XRCC4: variants seen among roughly 807,000 people sequenced by gnomAD.
The protein encoded by XRCC4 is DNA repair protein XRCC4.
Under a neutral mutation model 39.1 loss-of-function variants are expected in XRCC4, and 28 were observed. The observed-to-expected ratio is 0.72, with a 90% CI of 0.53 to 0.98. XRCC4 has a LOEUF of 0.98. Among genes scored for constraint, XRCC4 ranks in the 50% least tolerant of loss-of-function variants. The pLI, the probability that XRCC4 is intolerant of heterozygous loss-of-function variation, is 0.00. For missense variants in XRCC4, 350 were observed against 376.4 expected, an observed-to-expected ratio of 0.93 and a Z score of 0.58; for synonymous variants, 123 against 126.4, an observed-to-expected ratio of 0.97 and a Z score of 0.18.
At chr5:83,276,342 A>G (rs1241189552) in intron 7 of XRCC4, among the ~76,000 whole-genome samples, 1 of 150,544 alleles carries the variant, frequency 6.6e-6, no homozygotes, top group Non-Finnish European at 1.5e-5. Context: ...TCCAAAATCC[A>G]TGATGAAATT....
intron 6 of XRCC4, among the ~76,000 whole-genome samples, chr5:83,209,678 T>C (rs1751565022): frequency 6.6e-6 from 1 of 152,098 alleles, no homozygotes; most frequent in Non-Finnish European, 1.5e-5. Flanking sequence ...TTTTAATTCC[T>C]CACTAATTAT....
chr5:83,155,919 C>T (rs1337050308), intron 3 of XRCC4, among the ~76,000 whole-genome samples: 3 of 151,904 alleles, frequency 2.0e-5, no homozygotes, highest in African/African-American at 7.3e-5. Context: ...TGAACTGAGT[C>T]TTAATGTCTT....
At chr5:83,214,974 A>G (rs1314519153) in intron 6 of XRCC4, among the ~76,000 whole-genome samples, 1 of 152,144 alleles carries the variant, frequency 6.6e-6, no homozygotes, top group African/African-American at 2.4e-5. Context: ...GAACTATGCA[A>G]CATTGTTGAG....
At chr5:83,256,100 T>A (rs949539590) in intron 6 of XRCC4, among the ~76,000 whole-genome samples, 1 of 152,200 alleles carries the variant, frequency 6.6e-6, no homozygotes, top group African/African-American at 2.4e-5. Context: ...AGTATACTGA[T>A]TAGTAAGTCA....
Position 83,264,491 on chromosome 5 carries a change from T to TG in XRCC4, c.893+5814_893+5815insG, listed in dbSNP as rs1753885655. On this transcript the variant is annotated intron_variant, in intron 7 of 7. Coordinates refer to ENST00000396027, the MANE Select transcript of XRCC4 (RefSeq NM_003401.5). ...TCAGAGTCTGGTATTAATTCATTTATTTTTTAATAAAATGAACTTTATTTT... is the reference window on the plus strand; with the variant it reads ...TCAGAGTCTGGTATTAATTCATTTATGTTTTTAATAAAATGAACTTTATTTT... Among the ~76,000 whole-genome samples, 5 of 152,280 alleles carry TG rather than the reference T, an allele frequency of 3.3e-5. No individual in the cohort carries two copies. The South Asian group carries it at 8.3e-4, about 25-fold the overall frequency.
chr5:83,329,309 T>G (rs1039086329), intron 7 of XRCC4, among the ~76,000 whole-genome samples: 27 of 152,026 alleles, frequency 1.8e-4, no homozygotes, highest in Non-Finnish European at 3.1e-4. Context: ...AAATAAGAAG[T>G]GTTGGTACAT....
chr5:83,170,091 A>G (rs1274502791), intron 3 of XRCC4, among the ~76,000 whole-genome samples: 7 of 152,202 alleles, frequency 4.6e-5, no homozygotes, highest in Non-Finnish European at 8.8e-5. Flanking sequence ...TATGATTGCT[A>G]GAATACCTTA....
At chr5:83,267,635 G>A (rs1754002173) in intron 7 of XRCC4, among the ~76,000 whole-genome samples, 1 of 152,140 alleles carries the variant, frequency 6.6e-6, no homozygotes, top group Admixed American at 6.6e-5. Flanking sequence ...ATGGTCCCTG[G>A]ACAGTCTCAG....
intron 6 of XRCC4, among the ~76,000 whole-genome samples, chr5:83,209,222 C>G (rs1039345510): frequency 7.2e-5 from 11 of 151,888 alleles, no homozygotes; most frequent in Non-Finnish European, 1.5e-4. Flanking sequence ...CACGATGTCC[C>G]TATCTAAGGA....
In XRCC4 at chr5:83,306,737, A is replaced by G. The variant is rs999750759; in HGVS notation, c.894-46394A>G. Among the ~76,000 whole-genome samples the G allele has an allele frequency of 7.2e-5, 11 of 152,274 alleles. No homozygotes were observed. The East Asian group carries it at 2.1e-3, about 29-fold the overall frequency. ...GTCCCTCCCTGACTCCAGCAATAAGACTGATCGGGCAACAGGAACCTGCCT... is the reference window on the plus strand; with the variant it reads ...GTCCCTCCCTGACTCCAGCAATAAGGCTGATCGGGCAACAGGAACCTGCCT... On this transcript the variant is annotated intron_variant, in intron 7 of 7. Coordinates refer to ENST00000396027, the MANE Select transcript of XRCC4 (RefSeq NM_003401.5).
At chr5:83,284,060 A>G (rs987577048) in intron 7 of XRCC4, among the ~76,000 whole-genome samples, 7 of 148,540 alleles carry the variant, frequency 4.7e-5, no homozygotes, top group South Asian at 2.1e-4. Flanking sequence ...AGCAAAAAAA[A>G]AAAAAAAAAA....
At chr5:83,311,194 T>G (rs1755698880) in intron 7 of XRCC4, 1 of 168,942 alleles carries the variant, frequency 5.9e-6, no homozygotes, top group Admixed American at 6.1e-5. Context: ...TGATCCACAT[T>G]GGCTGCCATT....
chr5:83,352,114 G>T (rs28360340), intron 7 of XRCC4, among the ~76,000 whole-genome samples: 5,306 of 152,166 alleles, frequency 0.035, 162 homozygotes, highest in East Asian at 0.14. Context: ...TAGTTTAAAT[G>T]ACTTGCCTAA....
chr5:83,147,685 A>G (rs1359004367), intron 3 of XRCC4, among the ~76,000 whole-genome samples: 1 of 28,216 alleles, frequency 3.5e-5, no homozygotes, highest in Non-Finnish European at 6.2e-5. Flanking sequence ...GAAAATCACT[A>G]AGAGTAGATT....
chr5:83,275,543 C>T (rs1216789614), intron 7 of XRCC4, among the ~76,000 whole-genome samples: 1 of 152,134 alleles, frequency 6.6e-6, no homozygotes, highest in Non-Finnish European at 1.5e-5. Flanking sequence ...GATCCGCCCG[C>T]CTCGGCCTCC....
intron 7 of XRCC4, among the ~76,000 whole-genome samples, chr5:83,348,447 G>T (rs1333036432): frequency 6.6e-6 from 1 of 152,230 alleles, no homozygotes; most frequent in African/African-American, 2.4e-5. Flanking sequence ...CAAGGCTTGA[G>T]GCTTGCACCC....
intron 6 of XRCC4, among the ~76,000 whole-genome samples, chr5:83,250,947 T>TAAATTAAAAAAAAA (rs1476344766): frequency 1.3e-5 from 2 of 152,192 alleles, no homozygotes; most frequent in Non-Finnish European, 2.9e-5. Context: ...ATTAAATTAG[T>TAAATTAAAAAAAAA]TCCTTTTTAA....
At chr5:83,290,954 A>G (rs1434122462) in intron 7 of XRCC4, among the ~76,000 whole-genome samples, 1 of 151,896 alleles carries the variant, frequency 6.6e-6, no homozygotes, top group Non-Finnish European at 1.5e-5. Context: ...ATTTTTATTC[A>G]GCTTACATAG....
chr5:83,115,093 G>A (rs958529325), intron 3 of XRCC4, among the ~76,000 whole-genome samples: 1 of 152,030 alleles, frequency 6.6e-6, no homozygotes, highest in Admixed American at 6.6e-5. Flanking sequence ...CCCATGATTC[G>A]ATTACCTCCC....
Sources: gnomAD v4.1 joint callset for allele counts (sites outside exome capture counted in the v4.1 genomes callset) on GRCh38, gnomAD v4.1.1 for gene constraint, MANE v1.5 for transcripts, NCBI Gene and HGNC (gene_info 2026-07-23, HGNC 2026-07-21) for gene names.